TMEM232: variants seen among roughly 807,000 people sequenced by gnomAD.
The protein encoded by TMEM232 is transmembrane protein 232.
TMEM232 carries 80 observed loss-of-function variants against 78.8 expected under a neutral mutation model. The ratio of observed to expected loss-of-function variants is 1.01; its 90% CI spans 0.85 to 1.22. The LOEUF (loss-of-function observed/expected upper bound fraction) is 1.22, where lower values mean the gene tolerates loss of function less well. TMEM232 is among the 50% of genes most tolerant of loss of function. TMEM232 has a pLI of 0.00. For missense variants in TMEM232, 881 were observed against 742.2 expected, an observed-to-expected ratio of 1.19 and a Z score of -2.17; for synonymous variants, 297 against 254.3, an observed-to-expected ratio of 1.17 and a Z score of -1.60.
In TMEM232 at chr5:110,413,806, C is replaced by T. The variant is rs555785888; in HGVS notation, n.308+11017G>A. On this transcript the variant is annotated intron_variant and non_coding_transcript_variant, in intron 2 of 8. Transcript: ENST00000507188. ...AGGGAGCCAAAGGTAAGAGGGGACT[C>T]ACTATTTTGAACAGAAATTATTGTT... Among the ~76,000 whole-genome samples the T allele has an allele frequency of 5.3e-5, 8 of 152,254 alleles. No homozygotes were observed. The South Asian group carries it at 1.7e-3, about 32-fold the overall frequency.
chr5:110,524,363 A>AAAAGAAAGAAAG (rs756039290), intron 12 of TMEM232, among the ~76,000 whole-genome samples: 15 of 120,388 alleles, frequency 1.2e-4, no homozygotes, highest in East Asian at 4.8e-4. Context: ...AAGAAAGAAA[A>AAAAGAAAGAAAG]AAAGAAAGAA....
chr5:110,654,470 T>C (rs550520261), intron 2 of TMEM232, among the ~76,000 whole-genome samples: 1 of 152,146 alleles, frequency 6.6e-6, no homozygotes, highest in Non-Finnish European at 1.5e-5. Context: ...AGATATGTGG[T>C]GCTATTTCTG....
intron 6 of TMEM232, among the ~76,000 whole-genome samples, 193 bp downstream of exon 6, chr5:110,627,588 A>G (rs1037817309): frequency 3.9e-5 from 6 of 152,120 alleles, no homozygotes; most frequent in African/African-American, 1.4e-4. Flanking sequence ...ACAAAGAAAT[A>G]ACAAAAGTAT....
chr5:110,571,918 T>C (rs955763391), intron 10 of TMEM232, among the ~76,000 whole-genome samples: 1 of 152,146 alleles, frequency 6.6e-6, no homozygotes, highest in African/African-American at 2.4e-5. Context: ...CAATGCAATG[T>C]CATGTTTATT....
chr5:110,620,589 C>CTA (rs1783523534), intron 7 of TMEM232, among the ~76,000 whole-genome samples: 1 of 47,874 alleles, frequency 2.1e-5, no homozygotes, highest in African/African-American at 9.4e-5. Context: ...CTCTCTCTCT[C>CTA]TCTCTCTCTC....
chr5:110,598,329 T>C (rs1461748865), intron 10 of TMEM232, among the ~76,000 whole-genome samples: 1 of 152,152 alleles, frequency 6.6e-6, no homozygotes, highest in Non-Finnish European at 1.5e-5. Flanking sequence ...TCACACCAGT[T>C]AGAATGGCAA....
intron 9 of TMEM232, 129 bp downstream of exon 9, chr5:110,606,035 T>C (rs1019261589): frequency 7.2e-6 from 6 of 827,714 alleles, no homozygotes; most frequent in African/African-American, 5.4e-5. Flanking sequence ...TGCTTTTATA[T>C]TTAATTAAAT....
At chr5:110,671,654 C>G (rs578241083) in intron 1 of TMEM232, among the ~76,000 whole-genome samples, 1 of 152,174 alleles carries the variant, frequency 6.6e-6, no homozygotes, top group East Asian at 1.9e-4. Context: ...GGAACAGAAC[C>G]AAACATTGCG....
chr5:110,401,272 G>GA (rs1193671372), intron 2 of TMEM232, among the ~76,000 whole-genome samples: 2 of 145,886 alleles, frequency 1.4e-5, no homozygotes, highest in East Asian at 1.9e-4. Context: ...ACTTGACACA[G>GA]ACACAACATT....
chr5:110,628,776 G>A (rs553798515), intron 5 of TMEM232: 2 of 150,686 alleles, frequency 1.3e-5, no homozygotes, highest in Non-Finnish European at 3.0e-5. Flanking sequence ...AAATTAAAAA[G>A]ATAAATCTAA....
At chr5:110,695,541 T>C (rs1181081305) in intron 1 of TMEM232, among the ~76,000 whole-genome samples, 3 of 151,800 alleles carry the variant, frequency 2.0e-5, no homozygotes, top group Admixed American at 6.6e-5. Flanking sequence ...ATCAACAAAA[T>C]TGATAGACTG....
intron 11 of TMEM232, among the ~76,000 whole-genome samples, chr5:110,531,289 A>G (rs2149537612): frequency 6.6e-6 from 1 of 152,302 alleles, no homozygotes; most frequent in South Asian, 2.1e-4. Flanking sequence ...TTTATTGCTC[A>G]CACAAAGCCT....
At chr5:110,530,324 A>C (rs1771259306) in intron 11 of TMEM232, among the ~76,000 whole-genome samples, 1 of 152,230 alleles carries the variant, frequency 6.6e-6, no homozygotes, top group African/African-American at 2.4e-5. Context: ...TTTACAAAGG[A>C]TAAGGTGAAA....
At chr5:110,594,970 C>T (rs375228716) in intron 10 of TMEM232, among the ~76,000 whole-genome samples, 1 of 152,206 alleles carries the variant, frequency 6.6e-6, no homozygotes, top group East Asian at 1.9e-4. Context: ...CCTGTGCCTC[C>T]TGACTGGGAG....
chr5:110,478,846 T>C (rs1763540571), intron 12 of TMEM232, among the ~76,000 whole-genome samples: 1 of 151,530 alleles, frequency 6.6e-6, no homozygotes, highest in Non-Finnish European at 1.5e-5. Context: ...TGTCTATGCA[T>C]TGTTGTGAGA....
At chr5:110,410,631 A>C (rs961247241) in intron 2 of TMEM232, among the ~76,000 whole-genome samples, 2 of 152,196 alleles carry the variant, frequency 1.3e-5, no homozygotes, top group African/African-American at 4.8e-5. Flanking sequence ...ATTCCTTTCC[A>C]ATAACAATAA....
At chr5:110,434,983 T>C (rs1488965143) in intron 12 of TMEM232, among the ~76,000 whole-genome samples, 2 of 151,588 alleles carry the variant, frequency 1.3e-5, no homozygotes, top group African/African-American at 2.4e-5. Flanking sequence ...ACCTACTGAA[T>C]GGGCAAAATT....
intron 11 of TMEM232, among the ~76,000 whole-genome samples, chr5:110,561,367 A>G (rs1775718956): frequency 6.6e-6 from 1 of 151,858 alleles, no homozygotes; most frequent in African/African-American, 2.4e-5. Flanking sequence ...TAAAATCAAG[A>G]CCATAATGTG....
rs185746994 is a variant in TMEM232, at chr5:110,638,774, G to C, written c.344-419C>G. ...GCTAGAGGAAGGAAGAAATGTCCAAGGGGGCTCAGCTATTATAGATCCAAC... is the reference window on the plus strand; with the variant it reads ...GCTAGAGGAAGGAAGAAATGTCCAACGGGGCTCAGCTATTATAGATCCAAC... On this transcript the variant is annotated intron_variant, in intron 4 of 13. Coordinates refer to ENST00000455884, the MANE Select transcript of TMEM232 (RefSeq NM_001039763.4). Among the ~76,000 whole-genome samples the C allele has an allele frequency of 7.7e-4, 117 of 152,270 alleles. 1 individual carries two copies. Among genetic ancestry groups the C allele is most frequent in the African/African-American group, 2.8e-3 (115 of 41,570 alleles).
Sources: gnomAD v4.1 joint callset for allele counts (sites outside exome capture counted in the v4.1 genomes callset) on GRCh38, gnomAD v4.1.1 for gene constraint, MANE v1.5 for transcripts, NCBI Gene and HGNC (gene_info 2026-07-23, HGNC 2026-07-21) for gene names.